The following LNX1 variants were observed in gnomAD, a reference collection of about 807,000 sequenced individuals.
The protein encoded by LNX1 is E3 ubiquitin-protein ligase LNX.
LNX1 carries 54 observed loss-of-function variants against 68.4 expected under a neutral mutation model. The ratio of observed to expected loss-of-function variants is 0.79; its 90% CI spans 0.63 to 0.99. The LOEUF (loss-of-function observed/expected upper bound fraction) is 0.99. LNX1 is among the 50% of genes least tolerant of loss of function. LNX1 has a pLI of 0.00. For missense variants in LNX1, 906 were observed against 926.4 expected (o/e 0.98, Z 0.29); for synonymous variants, 336 against 350.0 (o/e 0.96, Z 0.45).
At chr4:53,532,368 G>A (rs1300230637) in intron 2 of LNX1, among the ~76,000 whole-genome samples, 6 of 152,114 alleles carry the variant, frequency 3.9e-5, no homozygotes, top group African/African-American at 9.7e-5. Flanking sequence ...CCGGCTACTC[G>A]GGAGGCTGAG....
chr4:53,472,326 G>C lies in LNX1; in HGVS notation c.1892+4427C>G, dbSNP rs755885914. Among the ~76,000 whole-genome samples, 6 of 151,926 alleles carry C rather than the reference G, an allele frequency of 3.9e-5. No individual in the cohort carries two copies. The East Asian group carries it at 1.2e-3, about 29-fold the overall frequency. ...CACAGCAAGGGGAACATCACACACC[G>C]GGGACTGTTGTGGGGTTGGGGGATG... On this transcript the variant is annotated intron_variant, in intron 9 of 10. Transcript: ENST00000263925.
chr4:53,558,955 G>A (rs979638685), intron 2 of LNX1, among the ~76,000 whole-genome samples: 14 of 152,158 alleles, frequency 9.2e-5, no homozygotes, highest in African/African-American at 3.4e-4. Context: ...TTCTTTGCAG[G>A]CCTAAGCTCT....
chr4:53,620,769 C>T (rs147781772), upstream of LNX1, among the ~76,000 whole-genome samples: 532 of 152,186 alleles, frequency 3.5e-3, 4 homozygotes, highest in African/African-American at 0.012. Flanking sequence ...TTTCTTTCCT[C>T]CCAGTGCTTA....
At chr4:53,560,880 A>C (rs1730237390) in intron 2 of LNX1, among the ~76,000 whole-genome samples, 1 of 152,238 alleles carries the variant, frequency 6.6e-6, no homozygotes, top group Admixed American at 6.5e-5. Context: ...ATCCTAATTA[A>C]TACAATCCCT....
intron 2 of LNX1, among the ~76,000 whole-genome samples, chr4:53,531,977 TGC>T (rs1560649361): frequency 6.6e-6 from 1 of 152,210 alleles, no homozygotes; most frequent in Non-Finnish European, 1.5e-5. Context: ...TTGTTCTTTT[TGC>T]TAGAAATGAG....
chr4:53,626,112 A>G (rs1467021504), intron 1 of LNX1, among the ~76,000 whole-genome samples: 1 of 152,206 alleles, frequency 6.6e-6, no homozygotes, highest in Non-Finnish European at 1.5e-5. Flanking sequence ...GGAGACTATT[A>G]TGCTAAGTGA....
At chr4:53,516,992 A>G (rs2109555885) in intron 2 of LNX1, among the ~76,000 whole-genome samples, 1 of 152,308 alleles carries the variant, frequency 6.6e-6, no homozygotes, top group Non-Finnish European at 1.5e-5. Flanking sequence ...TTTGGAAATT[A>G]TATTGCTGGT....
intron 6 of LNX1, among the ~76,000 whole-genome samples, chr4:53,482,940 T>C (rs924167717): frequency 6.6e-6 from 1 of 152,218 alleles, no homozygotes; most frequent in African/African-American, 2.4e-5. Flanking sequence ...GCTAATTCTC[T>C]CTGCTATGTA....
At chr4:53,589,190 C>T (rs567756565) in intron 1 of LNX1, among the ~76,000 whole-genome samples, 1 of 152,188 alleles carries the variant, frequency 6.6e-6, no homozygotes, top group Non-Finnish European at 1.5e-5. Context: ...TGGAGAATCA[C>T]ATTTTGTGGG....
chr4:53,479,156 G>T (rs1170077622), intron 7 of LNX1, among the ~76,000 whole-genome samples: 2 of 152,226 alleles, frequency 1.3e-5, no homozygotes, highest in Non-Finnish European at 2.9e-5. Context: ...CTCCCAAAGT[G>T]CTGGGATTAC....
rs149440996 is a variant in LNX1, at chr4:53,611,576, C to T, written c.-215+4941G>A. ...GTAGAGATGGAGTAAGGGACATCCT[C>T]GCTAGTTACTAGAACTGTCTATAAA... On this transcript the variant is annotated intron_variant, in intron 2 of 3. Transcript: ENST00000504299. 3.5e-3 allele frequency among the ~76,000 whole-genome samples: 537 copies of T among 152,208 alleles called. 4 individuals are homozygous for T. The highest frequency in any genetic ancestry group is 0.012 in the African/African-American group (508 of 41,536).
At chr4:53,636,439 G>A (rs1404126156) in intron 1 of LNX1, among the ~76,000 whole-genome samples, 1 of 152,062 alleles carries the variant, frequency 6.6e-6, no homozygotes, top group Non-Finnish European at 1.5e-5. Flanking sequence ...ACTCTGGTGA[G>A]ACATTCTTGT....
chr4:53,641,261 T>C (rs1357866424), intron 1 of LNX1, among the ~76,000 whole-genome samples: 3 of 152,190 alleles, frequency 2.0e-5, no homozygotes, highest in African/African-American at 7.2e-5. Flanking sequence ...GCTATGCAAA[T>C]ATATCCAGTG....
intron 2 of LNX1, among the ~76,000 whole-genome samples, chr4:53,543,825 T>C (rs1490443762): frequency 6.6e-6 from 1 of 151,672 alleles, no homozygotes; most frequent in Non-Finnish European, 1.5e-5. Flanking sequence ...CCAAAGAAAC[T>C]GGGAAAGAAA....
intron 1 of LNX1, among the ~76,000 whole-genome samples, chr4:53,648,509 C>T (rs1238122623): frequency 2.0e-5 from 3 of 152,172 alleles, no homozygotes; most frequent in Admixed American, 6.5e-5. Context: ...ATATTAACCC[C>T]TTCTCAGATA....
intron 1 of LNX1, among the ~76,000 whole-genome samples, chr4:53,649,098 AG>A (rs571014989): frequency 1.4e-3 from 208 of 152,328 alleles, no homozygotes; most frequent in African/African-American, 4.8e-3. Flanking sequence ...TGAATCCAAA[AG>A]GTTCTGATTT....
intron 2 of LNX1, among the ~76,000 whole-genome samples, chr4:53,611,354 C>T (rs1733490775): frequency 6.6e-6 from 1 of 152,086 alleles, no homozygotes; most frequent in Non-Finnish European, 1.5e-5. Flanking sequence ...GTGCCATTTT[C>T]TTGGATAGGA....
chr4:53,461,085 C>G (rs776777903), intron 10 of LNX1, 43 bp from the exon 11 acceptor site: 32 of 1,501,638 alleles, frequency 2.1e-5, no homozygotes, highest in Non-Finnish European at 2.6e-5. Context: ...TATTTTAATT[C>G]GTTGCTGAAG....
chr4:53,564,761 C>G (rs943006379), intron 2 of LNX1, among the ~76,000 whole-genome samples: 14 of 152,114 alleles, frequency 9.2e-5, no homozygotes, highest in Non-Finnish European at 1.5e-4. Flanking sequence ...GAGTGCCAGA[C>G]AGTGGGCGCA....
Sources: allele counts gnomAD v4.1 joint callset (sites outside exome capture counted in the v4.1 genomes callset), GRCh38; gene constraint gnomAD v4.1.1; transcripts MANE v1.5; gene names NCBI Gene and HGNC (gene_info 2026-07-23, HGNC 2026-07-21).